Variants in CTNNBL1 observed in about 807,000 individuals in gnomAD.
The protein encoded by CTNNBL1 is catenin beta like 1, also known as beta-catenin-like protein 1.
A neutral mutation model predicts 72.7 loss-of-function variants in CTNNBL1; 31 were observed. That is an observed-to-expected ratio of 0.43 (90% CI 0.32 to 0.58). CTNNBL1 has a LOEUF of 0.58. CTNNBL1 is among the 20% of genes least tolerant of loss of function. The probability of loss-of-function intolerance (pLI) is 0.08; values close to 1 mark genes in which losing one functional copy is unlikely to be tolerated. For missense variants in CTNNBL1, 534 were observed against 725.1 expected (o/e 0.74, Z 3.03); for synonymous variants, 240 against 267.3 (o/e 0.90, Z 1.00).
At chr20:37,732,373 G>A (rs544872774) in intron 1 of CTNNBL1, among the ~76,000 whole-genome samples, 73 of 152,308 alleles carry the variant, frequency 4.8e-4, no homozygotes, top group Non-Finnish European at 7.6e-4. Context: ...GTAATCTTAC[G>A]TAGATGTGAA....
chr20:37,706,053 A>G (rs531695159), intron 1 of CTNNBL1, among the ~76,000 whole-genome samples: 2 of 152,350 alleles, frequency 1.3e-5, no homozygotes, highest in East Asian at 1.9e-4. Context: ...GTGCAATAGT[A>G]TTGTATCTGA....
chr20:37,722,679 G>A (rs2073051477), intron 1 of CTNNBL1, among the ~76,000 whole-genome samples: 1 of 151,958 alleles, frequency 6.6e-6, no homozygotes, highest in Admixed American at 6.6e-5. Flanking sequence ...GCGAAGCAAG[G>A]GCTGAGCATT....
chr20:37,864,597 G>A (rs1232477031), intron 15 of CTNNBL1, among the ~76,000 whole-genome samples: 1 of 152,174 alleles, frequency 6.6e-6, no homozygotes, highest in East Asian at 1.9e-4. Context: ...CCGACGTCCA[G>A]CCTTCCCCAG....
chr20:37,870,401 T>G (rs895851396), intron 15 of CTNNBL1, among the ~76,000 whole-genome samples: 1 of 152,054 alleles, frequency 6.6e-6, no homozygotes, highest in Non-Finnish European at 1.5e-5. Context: ...TCCCTGTTGT[T>G]GGCACCAGCA....
chr20:37,746,674 C>T, intron 4 of CTNNBL1, 67 bp downstream of exon 4: 2 of 1,559,154 alleles, frequency 1.3e-6, no homozygotes, highest in Non-Finnish European at 1.8e-6. Context: ...ACTCTTTCTC[C>T]TGTCTCTCTT....
intron 10 of CTNNBL1, among the ~76,000 whole-genome samples, chr20:37,789,663 A>T (rs1394329043): frequency 6.6e-6 from 1 of 152,244 alleles, no homozygotes; most frequent in Non-Finnish European, 1.5e-5. Context: ...GTTGCTACAA[A>T]TAGAAGATTC....
intron 10 of CTNNBL1, among the ~76,000 whole-genome samples, chr20:37,779,676 T>G: frequency 6.6e-6 from 1 of 152,128 alleles, no homozygotes; most frequent in East Asian, 1.9e-4. Flanking sequence ...CTTGGACTAA[T>G]TTTCTGTATA....
chr20:37,698,852 C>T (rs1387334386), intron 1 of CTNNBL1, among the ~76,000 whole-genome samples: 1 of 152,088 alleles, frequency 6.6e-6, no homozygotes, highest in Non-Finnish European at 1.5e-5. Context: ...TCCAGACCAG[C>T]CTGGGCAACA....
chr20:37,787,038 T>C (rs1273526059), intron 10 of CTNNBL1, among the ~76,000 whole-genome samples: 1 of 152,118 alleles, frequency 6.6e-6, no homozygotes, highest in African/African-American at 2.4e-5. Flanking sequence ...TTTTCTGTCC[T>C]TTTTATCCCC....
intron 12 of CTNNBL1, 49 bp downstream of exon 12, chr20:37,840,248 C>A: frequency 7.4e-7 from 1 of 1,354,598 alleles, no homozygotes; most frequent in Non-Finnish European, 1.1e-6. Flanking sequence ...GATAGAAAGG[C>A]TCTTTACCTG....
intron 11 of CTNNBL1, among the ~76,000 whole-genome samples, chr20:37,812,547 G>A (rs892886462): frequency 6.6e-6 from 1 of 152,228 alleles, no homozygotes; most frequent in Non-Finnish European, 1.5e-5. Flanking sequence ...AGACTCTTCT[G>A]TTTCAGTTTG....
At chr20:37,862,835 G>A (rs555917459) in intron 15 of CTNNBL1, among the ~76,000 whole-genome samples, 2 of 151,818 alleles carry the variant, frequency 1.3e-5, no homozygotes, top group Admixed American at 6.6e-5. Context: ...TTCTGTCTCC[G>A]AACTCAACCT....
intron 11 of CTNNBL1, among the ~76,000 whole-genome samples, chr20:37,823,234 A>G (rs1315099253): frequency 2.0e-5 from 3 of 152,222 alleles, no homozygotes; most frequent in Admixed American, 6.5e-5. Context: ...ATGAAAGATT[A>G]TAGGATGGTT....
At chr20:37,739,059 T>A (rs2073192655) in intron 3 of CTNNBL1, among the ~76,000 whole-genome samples, 1 of 149,784 alleles carries the variant, frequency 6.7e-6, no homozygotes, top group Admixed American at 6.7e-5. Context: ...TTTGTACTGA[T>A]CTCCACCATA....
In CTNNBL1 at chr20:37,708,775, T is replaced by C. The variant is rs1009203918; in HGVS notation, c.30+14623T>C. On this transcript the variant is annotated intron_variant, in intron 1 of 15. Coordinates refer to ENST00000361383, the MANE Select transcript of CTNNBL1 (RefSeq NM_030877.5). ...GATTATCAGCTGCTTGTAAGCAGAT[T>C]ATGTGCACTGGCTCTTTGTACTTCC... Among the ~76,000 whole-genome samples, 7 of 152,128 alleles carry C rather than the reference T, an allele frequency of 4.6e-5. No individual in the cohort carries two copies. The South Asian group carries it at 6.2e-4, about 14-fold the overall frequency.
At chr20:37,752,974 A>G (rs2073334253) in intron 4 of CTNNBL1, among the ~76,000 whole-genome samples, 1 of 152,072 alleles carries the variant, frequency 6.6e-6, no homozygotes, top group Non-Finnish European at 1.5e-5. Flanking sequence ...GGAAAAACCT[A>G]TCACCCATGC....
intron 7 of CTNNBL1, among the ~76,000 whole-genome samples, chr20:37,770,538 A>G (rs1402141712): frequency 6.6e-6 from 1 of 151,892 alleles, no homozygotes; most frequent in Non-Finnish European, 1.5e-5. Context: ...TTAAACTAGA[A>G]TGTCTTCTGC....
chr20:37,697,956 AT>A (rs1414657162), intron 1 of CTNNBL1, among the ~76,000 whole-genome samples: 2 of 152,142 alleles, frequency 1.3e-5, no homozygotes, highest in African/African-American at 4.8e-5. Context: ...AAAGTATTTC[AT>A]TTTGTCAATC....
intron 13 of CTNNBL1, among the ~76,000 whole-genome samples, chr20:37,848,205 A>G (rs2122832153): frequency 7.0e-6 from 1 of 143,060 alleles, no homozygotes. Flanking sequence ...GCTAGAGTGC[A>G]GTGGCATGGC....
Sources: allele counts gnomAD v4.1 joint callset (sites outside exome capture counted in the v4.1 genomes callset), GRCh38; gene constraint gnomAD v4.1.1; transcripts MANE v1.5; gene names NCBI Gene and HGNC (gene_info 2026-07-23, HGNC 2026-07-21).